The following PCDH17 variants were observed in gnomAD, a reference collection of about 807,000 sequenced individuals.
PCDH17 encodes protocadherin 17, also known as protocadherin-17.
Under a neutral mutation model 67.7 loss-of-function variants are expected in PCDH17, and 21 were observed. The ratio of observed to expected loss-of-function variants is 0.31; its 90% CI spans 0.22 to 0.45. The LOEUF is 0.45. Among genes scored for constraint, PCDH17 ranks in the 20% least tolerant of loss-of-function variants. The pLI, the probability that PCDH17 is intolerant of heterozygous loss-of-function variation, is 1.00. For missense variants in PCDH17, 1,471 were observed against 1,564.8 expected, an observed-to-expected ratio of 0.94 and a Z score of 1.01; for synonymous variants, 701 against 656.7, an observed-to-expected ratio of 1.07 and a Z score of -1.03.
At chr13:57,718,830 A>T (rs1000800843) in intron 3 of PCDH17, among the ~76,000 whole-genome samples, 1 of 151,948 alleles carries the variant, frequency 6.6e-6, no homozygotes, top group African/African-American at 2.4e-5. Flanking sequence ...GTGCACATGC[A>T]TGTGTGTGTA....
intron 1 of PCDH17, among the ~76,000 whole-genome samples, chr13:57,644,391 T>C (rs1954940413): frequency 6.6e-6 from 1 of 151,802 alleles, no homozygotes; most frequent in East Asian, 1.9e-4. Flanking sequence ...GAGACTTTTT[T>C]TTCCTTCTGA....
intron 3 of PCDH17, among the ~76,000 whole-genome samples, chr13:57,688,973 T>G (rs1371979297): frequency 6.6e-6 from 1 of 152,024 alleles, no homozygotes; most frequent in African/African-American, 2.4e-5. Context: ...CCACCAATCA[T>G]TTTCTTAGTA....
intron 3 of PCDH17, among the ~76,000 whole-genome samples, chr13:57,690,975 T>A (rs1955553223): frequency 6.6e-6 from 1 of 151,508 alleles, no homozygotes; most frequent in Non-Finnish European, 1.5e-5. Context: ...AGAATCATTT[T>A]ACAGACATTT....
chr13:57,702,706 A>G (rs1356389087), intron 3 of PCDH17, among the ~76,000 whole-genome samples: 1 of 152,176 alleles, frequency 6.6e-6, no homozygotes, highest in East Asian at 1.9e-4. Context: ...GTACTGAAAG[A>G]GCTCAGCAGT....
intron 3 of PCDH17, among the ~76,000 whole-genome samples, chr13:57,701,088 T>C (rs1384587515): frequency 2.0e-5 from 3 of 152,128 alleles, no homozygotes; most frequent in African/African-American, 7.2e-5. Flanking sequence ...GTGTAAATAA[T>C]AACTAGATGT....
Position 57,632,293 on chromosome 13 carries a change from T to C in PCDH17, c.-254T>C, listed in dbSNP as rs1441418337. ...CAGCCGCAGGAAGCCACCGCCTTGCTCCAAGCCCCTGCAGCTCTGCTGCAC... is the reference window on the plus strand; with the variant it reads ...CAGCCGCAGGAAGCCACCGCCTTGCCCCAAGCCCCTGCAGCTCTGCTGCAC... On this transcript the variant is annotated 5_prime_UTR_variant, in exon 1 of 4. Coordinates refer to ENST00000377918, the MANE Select transcript of PCDH17 (RefSeq NM_001040429.3). The C allele has an allele frequency of 3.6e-6, 2 of 549,072 alleles. No individual in the cohort carries two copies. Among genetic ancestry groups the C allele is most frequent in the African/African-American group, 1.9e-5 (1 of 52,646 alleles). The allele number at this position is 549,072 out of a possible 1,614,324, so 34.0% of individuals were successfully genotyped here.
At chr13:57,707,608 G>T (rs1955733191) in intron 3 of PCDH17, among the ~76,000 whole-genome samples, 1 of 152,054 alleles carries the variant, frequency 6.6e-6, no homozygotes, top group East Asian at 1.9e-4. Flanking sequence ...ATTAGTAATG[G>T]TTTTCTAGGG....
chr13:57,631,001 C>A (rs913300400), upstream of PCDH17, among the ~76,000 whole-genome samples: 9 of 152,134 alleles, frequency 5.9e-5, no homozygotes, highest in Non-Finnish European at 1.0e-4. Context: ...CTGGCTGGAC[C>A]GCCGCGGCCG....
intron 1 of PCDH17, among the ~76,000 whole-genome samples, chr13:57,659,544 C>T (rs1955157802): frequency 6.6e-6 from 1 of 151,758 alleles, no homozygotes; most frequent in South Asian, 2.1e-4. Context: ...TACATTATCT[C>T]GTATAAACTT....
chr13:57,712,549 G>A (rs1955785828), intron 3 of PCDH17, among the ~76,000 whole-genome samples: 2 of 151,544 alleles, frequency 1.3e-5, no homozygotes. Context: ...GCTAGATTAT[G>A]AAGGTCTTAG....
At chr13:57,671,023 G>A (rs1405555731) in intron 3 of PCDH17, among the ~76,000 whole-genome samples, 1 of 151,800 alleles carries the variant, frequency 6.6e-6, no homozygotes, top group East Asian at 1.9e-4. Flanking sequence ...TTTTCTTTTA[G>A]TGTGATGGGA....
intron 1 of PCDH17, among the ~76,000 whole-genome samples, chr13:57,648,566 G>A (rs962736655): frequency 6.6e-6 from 1 of 151,994 alleles, no homozygotes; most frequent in African/African-American, 2.4e-5. Context: ...TAATGGGCAA[G>A]TGTATATTTG....
At chr13:57,695,049 T>G (rs1955593464) in intron 3 of PCDH17, among the ~76,000 whole-genome samples, 1 of 151,258 alleles carries the variant, frequency 6.6e-6, no homozygotes. Flanking sequence ...GACACATTTT[T>G]ATAAGTGTAA....
intron 3 of PCDH17, among the ~76,000 whole-genome samples, chr13:57,692,956 A>G (rs1343831140): frequency 6.6e-6 from 1 of 151,004 alleles, no homozygotes; most frequent in Non-Finnish European, 1.5e-5. Flanking sequence ...TCTCTCACAA[A>G]TACATAGATA....
chr13:57,694,631 A>G (rs1955589601), intron 3 of PCDH17, among the ~76,000 whole-genome samples: 1 of 151,272 alleles, frequency 6.6e-6, no homozygotes. Context: ...ATAAAATGGT[A>G]AATATTATGT....
At chr13:57,664,256 C>T (rs192124483) in intron 1 of PCDH17, among the ~76,000 whole-genome samples, 1 of 152,178 alleles carries the variant, frequency 6.6e-6, no homozygotes, top group Non-Finnish European at 1.5e-5. Flanking sequence ...GTTCTTTTCT[C>T]CTTTCCTCTT....
intron 3 of PCDH17, among the ~76,000 whole-genome samples, chr13:57,675,172 T>C (rs1955377159): frequency 6.6e-6 from 1 of 151,930 alleles, no homozygotes; most frequent in Non-Finnish European, 1.5e-5. Context: ...ATATATTGAA[T>C]GAAAGCGCTA....
At chr13:57,708,818 C>T (rs1955745261) in intron 3 of PCDH17, among the ~76,000 whole-genome samples, 1 of 151,814 alleles carries the variant, frequency 6.6e-6, no homozygotes, top group Non-Finnish European at 1.5e-5. Context: ...TCTCACTCAC[C>T]AACAGGCATT....
At chr13:57,666,973 C>T (rs1389951922) in intron 3 of PCDH17, 140 bp downstream of exon 3, 3 of 654,704 alleles carry the variant, frequency 4.6e-6, no homozygotes, top group Middle Eastern at 4.9e-4. Flanking sequence ...TGAGGTTGCC[C>T]CAGAAAAAAA....
Sources: gnomAD v4.1 joint callset for allele counts (sites outside exome capture counted in the v4.1 genomes callset) on GRCh38, gnomAD v4.1.1 for gene constraint, MANE v1.5 for transcripts, NCBI Gene and HGNC (gene_info 2026-07-23, HGNC 2026-07-21) for gene names.